Variants in TKTL1 observed in about 807,000 individuals in gnomAD.
The protein encoded by TKTL1 is transketolase like 1.
A neutral mutation model predicts 39.3 loss-of-function variants in TKTL1; 1 was observed. That is an observed-to-expected ratio of 0.03 (90% confidence interval 0.01 to 0.12). The LOEUF (loss-of-function observed/expected upper bound fraction) is 0.12. TKTL1 is among the 10% of genes least tolerant of loss of function. The pLI is 1.00. For missense variants in TKTL1, 575 were observed against 509.6 expected (o/e 1.13, Z -1.24); for synonymous variants, 262 against 193.8 (o/e 1.35, Z -2.92).
In TKTL1 at chrX:154,327,850, C is replaced by A. The variant is rs782491397; in HGVS notation, c.1510C>A (p.Arg504Ser). 5 of 1,209,705 alleles carry A rather than the reference C, an allele frequency of 4.1e-6. No homozygotes were observed. In the African/African-American group the frequency reaches 8.8e-5, roughly 21 times the overall value. The change falls in exon 12 of 13, where the codon CGT becomes AGT. Residue 504 changes from arginine to serine, a missense_variant. Transcript: ENST00000369915. ...DELSKQDIFI[R>S]VIDLFTIKPL... is the part of the protein sequence containing the mutation. ...TTGCTGTTCTGCAGATATTTTTATCCGTGTCATCGACCTGTTTACCATTAA... is the reference window on the plus strand; with the variant it reads ...TTGCTGTTCTGCAGATATTTTTATCAGTGTCATCGACCTGTTTACCATTAA...
At chrX:154,311,582 A>C (rs894187585) in intron 5 of TKTL1, among the ~76,000 whole-genome samples, 2 of 110,937 alleles carry the variant, frequency 1.8e-5, no homozygotes, top group African/African-American at 6.6e-5. Flanking sequence ...ATAAGAGTGC[A>C]TACCTACACA....
At chrX:154,325,142 G>A (rs1475999119) in intron 9 of TKTL1, among the ~76,000 whole-genome samples, 197 bp from the exon 10 acceptor site, 9 of 112,233 alleles carry the variant, frequency 8.0e-5, no homozygotes, top group Non-Finnish European at 7.5e-5. Flanking sequence ...GCATGGGGGA[G>A]CTTGTCCTTC....
intron 2 of TKTL1, 29 bp downstream of exon 2, chrX:154,305,450 G>A: frequency 8.4e-7 from 1 of 1,193,439 alleles, no homozygotes; most frequent in Non-Finnish European, 1.1e-6. Flanking sequence ...CAGGGCTGCT[G>A]TGGCGCCTGC....
intron 3 of TKTL1, 107 bp from the exon 4 acceptor site, chrX:154,310,729 C>A: frequency 1.5e-6 from 1 of 688,884 alleles, no homozygotes; most frequent in Non-Finnish European, 2.2e-6. Flanking sequence ...AGCGAATGGT[C>A]TGGAGCAGCA....
At chrX:154,299,149 CTTTTT>C (rs1180562974) in intron 1 of TKTL1, among the ~76,000 whole-genome samples, 22 of 35,915 alleles carry the variant, frequency 6.1e-4, no homozygotes, top group Admixed American at 2.4e-3. Context: ...CTTTTTCTTT[CTTTTT>C]TTTTTTTTTT....
At chrX:154,317,933 C>T (rs1557169695) in intron 7 of TKTL1, among the ~76,000 whole-genome samples, 1 of 111,788 alleles carries the variant, frequency 8.9e-6, no homozygotes, top group Non-Finnish European at 1.9e-5. Flanking sequence ...GTTAGATGTA[C>T]AGAGGGGAGA....
rs1303684874 is a variant in TKTL1 at position 154,311,393 on chromosome X, T to G, written c.670+155T>G. Among the ~76,000 whole-genome samples the G allele has an allele frequency of 2.7e-5, 3 of 112,204 alleles. No homozygotes were observed. The Admixed American group carries it at 2.8e-4, about 11-fold the overall frequency. Reference sequence around the variant, plus strand: ...ATGTTGGAGGCTCCTGCTCTCTTATTTTCACTAGCTAGTGTCTGCTTAGGA... The same window carrying G: ...ATGTTGGAGGCTCCTGCTCTCTTATGTTCACTAGCTAGTGTCTGCTTAGGA... On this transcript the variant is annotated intron_variant, in intron 5 of 12. Transcript: ENST00000369915.
At chrX:154,318,762 C>G (rs1048931996) in intron 7 of TKTL1, among the ~76,000 whole-genome samples, 47 of 105,633 alleles carry the variant, frequency 4.4e-4, no homozygotes, top group African/African-American at 1.6e-3. Flanking sequence ...ATAGTGAGAC[C>G]TGGTCTGTAA....
chrX:154,305,063 G>T, intron 1 of TKTL1: 27 of 1,123,914 alleles, frequency 2.4e-5, no homozygotes, highest in Non-Finnish European at 3.2e-5. Flanking sequence ...AAGGAAACTT[G>T]CCCCGAGTCC....
chrX:154,309,384 C>G lies in TKTL1; in HGVS notation c.292C>G (p.Gln98Glu), dbSNP rs199531907. ...GGATGTGGCAACAGGATGGCTCGGA[C>G]AAGGACTGGGAGTTGCATGTGGAAT... The part of the protein sequence containing the change: ...FVDVATGWLG[Q>E]GLGVACGMAY... The change falls in exon 3 of 13, where the codon CAA (glutamine) becomes GAA (glutamate). Residue 98 changes from glutamine (Q) to glutamate (E), a missense_variant. Coordinates refer to ENST00000369915, the MANE Select transcript of TKTL1 (RefSeq NM_012253.4). 1.3e-5 allele frequency: 16 copies of G among 1,209,791 alleles called. No homozygotes were observed. The highest frequency in any genetic ancestry group is 1.2e-4 in the African/African-American group (7 of 57,180).
At chrX:154,310,425 T>C (rs1569550914) in intron 3 of TKTL1, among the ~76,000 whole-genome samples, 1 of 112,333 alleles carries the variant, frequency 8.9e-6, no homozygotes, top group Non-Finnish European at 1.9e-5. Flanking sequence ...ATGGAAACTC[T>C]GCCTCAAACA....
At chrX:154,329,375 C>A in intron 12 of TKTL1, 141 bp from the exon 13 acceptor site, 2 of 582,569 alleles carry the variant, frequency 3.4e-6, no homozygotes, top group Non-Finnish European at 5.3e-6. Flanking sequence ...AGAATGAGAA[C>A]TCCGCAGGCC....
At chrX:154,323,957 A>G (rs1490221424) in intron 9 of TKTL1, among the ~76,000 whole-genome samples, 1 of 112,809 alleles carries the variant, frequency 8.9e-6, no homozygotes, top group Non-Finnish European at 1.9e-5. Context: ...ACTAACGTTC[A>G]GCAGGTTTCC....
At chrX:154,327,986 G>A (rs1557172366) in intron 12 of TKTL1, 28 bp downstream of exon 12, 3 of 1,209,754 alleles carry the variant, frequency 2.5e-6, no homozygotes, top group South Asian at 3.5e-5. Context: ...GAATGCTTTG[G>A]AAGGTTTTGG....
intron 3 of TKTL1, 132 bp from the exon 4 acceptor site, chrX:154,310,704 A>G: frequency 1.8e-6 from 1 of 543,546 alleles, no homozygotes; most frequent in Non-Finnish European, 3.0e-6. Flanking sequence ...AGAGTTGATG[A>G]GGGAGATTGT....
rs372054381 is a variant in TKTL1 at position 154,320,904 on chromosome X, G to T, written c.1177G>T (p.Val393Leu). ...NINIIGSHCG[V>L]SVGDDGASQM... The stretch of plus-strand genomic sequence containing the variant: ...CAACATTATTGGTTCCCACTGTGGG[G>T]TATCTGTTGGTAAGGGTTCTAAATG... Residue 393 changes from valine to leucine, a missense_variant, in exon 8 of 13, where the codon GTA (valine) becomes TTA (leucine). By Grantham distance (32) the Val-to-Leu change is conservative (BLOSUM62 1). Coordinates refer to ENST00000369915, the MANE Select transcript of TKTL1 (RefSeq NM_012253.4). 7.4e-6 allele frequency: 9 copies of T among 1,209,514 alleles called. No homozygotes were observed. Among genetic ancestry groups the T allele is most frequent in the Non-Finnish European group, 8.9e-6 (8 of 894,693 alleles).
Position 154,315,255 on chromosome X carries a change from C to G in TKTL1, c.947C>G (p.Thr316Ser), listed in dbSNP as rs782710345. 2 of 1,210,941 alleles carry G rather than the reference C, an allele frequency of 1.7e-6. No individual in the cohort carries two copies. Among genetic ancestry groups the G allele is most frequent in the Non-Finnish European group, 2.2e-6 (2 of 895,014 alleles). Residue 316 changes from threonine to serine, a missense_variant, in exon 7 of 13, where the codon ACC becomes AGC. Transcript: ENST00000369915. ...NNRVVVLDGDTRYSTFSEIFN... is the reference protein window; with the variant it reads ...NNRVVVLDGDSRYSTFSEIFN... ...AGAGTCGTTGTGCTGGATGGTGACA[C>G]CAGGTACTCTACTTTCTCTGAGATA...
chrX:154,308,988 G>A (rs1479930067), intron 2 of TKTL1, among the ~76,000 whole-genome samples: 1 of 110,961 alleles, frequency 9.0e-6, no homozygotes, highest in Non-Finnish European at 1.9e-5. Context: ...TACGTTTTCT[G>A]CTTTGTACTT....
At chrX:154,323,627 A>G (rs2067470109) in intron 9 of TKTL1, among the ~76,000 whole-genome samples, 2 of 112,098 alleles carry the variant, frequency 1.8e-5, no homozygotes, top group Non-Finnish European at 3.8e-5. Context: ...GAAGGTGTTT[A>G]ACAAAGGGTG....
Sources: gnomAD v4.1 joint callset for allele counts (sites outside exome capture counted in the v4.1 genomes callset) on GRCh38, gnomAD v4.1.1 for gene constraint, MANE v1.5 for transcripts, NCBI Gene and HGNC (gene_info 2026-07-23, HGNC 2026-07-21) for gene names.